Variants in NFX1 observed in about 807,000 individuals in gnomAD.
NFX1 encodes nuclear transcription factor, X-box binding 1.
A neutral mutation model predicts 137.2 loss-of-function variants in NFX1; 69 were observed. The ratio of observed to expected loss-of-function variants is 0.50; its 90% CI spans 0.41 to 0.61. The LOEUF is 0.61. NFX1 is among the 20% of genes least tolerant of loss of function. The pLI is 0.00. For missense variants in NFX1, 1,167 were observed against 1,391.0 expected (o/e 0.84, Z 2.56); for synonymous variants, 495 against 474.1 (o/e 1.04, Z -0.57).
chr9:33,345,165 A>T (rs1490474586), intron 14 of NFX1, among the ~76,000 whole-genome samples: 1 of 105,880 alleles, frequency 9.4e-6, no homozygotes, highest in East Asian at 2.9e-4. Context: ...CCATCTCAAA[A>T]AAAGAAAAGA....
chr9:33,344,126 G>A lies in NFX1; in HGVS notation c.2282G>A (p.Cys761Tyr). 1 of 1,614,102 alleles carries A rather than the reference G, an allele frequency of 6.2e-7. No homozygotes were observed. The highest frequency in any genetic ancestry group is 8.5e-7 in the Non-Finnish European group (1 of 1,179,986). The change falls in exon 14 of 24, where the codon TGT (cysteine) becomes TAT (tyrosine). Residue 761 changes from cysteine to tyrosine, a missense_variant. Cys to Tyr is a radical substitution (Grantham distance 194, BLOSUM62 -2). Coordinates refer to ENST00000379540, the MANE Select transcript of NFX1 (RefSeq NM_002504.6). ...GASVIYPPVPCGTRPPECTQT... is the reference protein window; with the variant it reads ...GASVIYPPVPYGTRPPECTQT... ...TCAGTGATTTACCCTCCAGTTCCCT[G>A]TGGTACTAGGCCCCCTGAATGTACC... is the stretch of plus-strand genomic sequence containing the variant.
Position 33,370,082 on chromosome 9 carries a change from TCTCAC to T in NFX1, c.*105_*109del. On this transcript the variant is annotated 3_prime_UTR_variant, in exon 24 of 24. Transcript: ENST00000379540. ...TCCCCTCTGCCTGGCAGAATCACAG[TCTCAC>T]ATACTGTCTTGTACTGACACATCCA... 2 of 822,650 alleles carry T rather than the reference TCTCAC, an allele frequency of 2.4e-6. No individual in the cohort carries two copies. The highest frequency in any genetic ancestry group is 4.0e-6 in the Non-Finnish European group (2 of 495,464). 51.0% of individuals were successfully genotyped at this position (822,650 alleles called of 1,614,324 possible).
chr9:33,353,683 CT>C lies in NFX1; in HGVS notation c.2730-381del, dbSNP rs111306917. Among the ~76,000 whole-genome samples the C allele has an allele frequency of 7.0e-3, 771 of 110,088 alleles. 3 individuals carry two copies. Among genetic ancestry groups the C allele is most frequent in the Middle Eastern group, 0.017 (3 of 176 alleles). The allele number at this position is 110,088 out of a possible 152,430, so 72.2% of individuals were successfully genotyped here. A position where few individuals can be genotyped will look rare whatever the true frequency, so the allele number is the denominator to read the frequency against. ...CACCAGTTTTCATCTGATAGATTTG[CT>C]TTTTTTTTTTTTTTTTTTTTTGAAA... On this transcript the variant is annotated intron_variant, in intron 17 of 23. Coordinates refer to ENST00000379540, the MANE Select transcript of NFX1 (RefSeq NM_002504.6).
chr9:33,320,587 C>A (rs189440108), intron 9 of NFX1, among the ~76,000 whole-genome samples: 1 of 152,086 alleles, frequency 6.6e-6, no homozygotes, highest in African/African-American at 2.4e-5. Flanking sequence ...AATATAGAAA[C>A]CAGAAAAAGC....
At chr9:33,367,719 A>G in intron 23 of NFX1, 100 bp downstream of exon 23, 1 of 1,109,410 alleles carries the variant, frequency 9.0e-7, no homozygotes, top group South Asian at 1.3e-5. Context: ...TGGCCTCCTC[A>G]GGCCTGGCCT....
At chr9:33,324,789 T>A (rs1822516651) in intron 9 of NFX1, among the ~76,000 whole-genome samples, 1 of 150,894 alleles carries the variant, frequency 6.6e-6, no homozygotes, top group African/African-American at 2.4e-5. Flanking sequence ...ATTAGCCAGG[T>A]GTGGTGGCGG....
chr9:33,324,600 G>A (rs992781745), intron 9 of NFX1, among the ~76,000 whole-genome samples: 18 of 152,022 alleles, frequency 1.2e-4, no homozygotes, highest in South Asian at 6.2e-4. Context: ...ATTTGAGCTG[G>A]CAGAAGAAAC....
At chr9:33,299,738 T>G (rs1352663628) in intron 2 of NFX1, among the ~76,000 whole-genome samples, 1 of 152,168 alleles carries the variant, frequency 6.6e-6, no homozygotes, top group Non-Finnish European at 1.5e-5. Flanking sequence ...TATTCCTTTA[T>G]CCATGAATTT....
intron 7 of NFX1, among the ~76,000 whole-genome samples, chr9:33,315,637 T>C (rs1218460828): frequency 5.3e-5 from 8 of 151,096 alleles, no homozygotes; most frequent in African/African-American, 7.3e-5. Context: ...CGGTAGCTCA[T>C]GCACTCTGGG....
rs769699152 is a variant in NFX1 at position 33,294,717 on chromosome 9, A to G, written c.323A>G (p.Lys108Arg). Reference protein sequence around the residue: ...SHGLQNQPWQKLRNEKHHIRV... With the variant: ...SHGLQNQPWQRLRNEKHHIRV... ...GGCCTTCAGAATCAACCTTGGCAGA[A>G]ATTGAGGAATGAGAAGCACCATATC... is the stretch of plus-strand genomic sequence containing the variant. The change falls in exon 2 of 24, where the codon AAA becomes AGA. Residue 108 changes from lysine (K) to arginine (R), a missense_variant. By Grantham distance (26) the Lys-to-Arg change is conservative. This residue lies in a region of NFX1 where 367 missense variants were observed against 386.7 expected (regional missense o/e 0.95). Coordinates refer to ENST00000379540, the MANE Select transcript of NFX1 (RefSeq NM_002504.6). The G allele has an allele frequency of 6.2e-7, 1 of 1,614,140 alleles. No individual in the cohort carries two copies. The highest frequency in any genetic ancestry group is 8.5e-7 in the Non-Finnish European group (1 of 1,180,030).
chr9:33,300,075 T>TC (rs1294523186), intron 2 of NFX1, among the ~76,000 whole-genome samples: 2 of 142,086 alleles, frequency 1.4e-5, no homozygotes, highest in Admixed American at 1.4e-4. Flanking sequence ...ATTTTTTTTT[T>TC]TTTTTTTTTT....
At chr9:33,313,893 A>G in intron 7 of NFX1, 100 bp downstream of exon 7, 1 of 1,251,708 alleles carries the variant, frequency 8.0e-7, no homozygotes, top group African/African-American at 1.5e-5. Flanking sequence ...ACTTTTAGTC[A>G]CAAAGACCTT....
At chr9:33,343,930 C>A (rs151063667) in intron 13 of NFX1, 139 bp from the exon 14 acceptor site, 19 of 1,067,000 alleles carry the variant, frequency 1.8e-5, no homozygotes, top group Non-Finnish European at 2.3e-5. Context: ...AAATAAAAAC[C>A]TCTTTTGAAA....
At chr9:33,344,219 C>G (rs762791599) in intron 14 of NFX1, 31 bp downstream of exon 14, 43 of 1,612,282 alleles carry the variant, frequency 2.7e-5, no homozygotes, top group Non-Finnish European at 3.6e-5. Flanking sequence ...ACACTTCAGC[C>G]TGCTCACACC....
At chr9:33,352,461 T>G in intron 16 of NFX1, 185 bp from the exon 17 acceptor site, 1 of 690,376 alleles carries the variant, frequency 1.4e-6, no homozygotes, top group Middle Eastern at 2.3e-4. Flanking sequence ...ACGGGGCAAT[T>G]CTTTCCTAGC....
intron 2 of NFX1, 71 bp from the exon 3 acceptor site, chr9:33,301,192 T>C (rs1821550090): frequency 7.4e-7 from 1 of 1,353,242 alleles, no homozygotes; most frequent in African/African-American, 1.5e-5. Context: ...TGCTGATCCT[T>C]GGTTGATTAA....
chr9:33,367,586 C>T lies in NFX1; in HGVS notation c.3257C>T (p.Pro1086Leu). 1 of 1,613,880 alleles carries T rather than the reference C, an allele frequency of 6.2e-7. No homozygotes were observed. The highest frequency in any genetic ancestry group is 8.5e-7 in the Non-Finnish European group (1 of 1,179,836). The change falls in exon 23 of 24, where the codon CCA (proline) becomes CTA (leucine). Residue 1086 changes from proline (P) to leucine (L), a missense_variant. By Grantham distance (98) the Pro-to-Leu change is moderately conservative (BLOSUM62 -3). Around this residue, in one of 3 missense-constraint regions of NFX1, gnomAD observed 312 missense variants for 312.8 expected, o/e 1.00. Coordinates refer to ENST00000379540, the MANE Select transcript of NFX1 (RefSeq NM_002504.6). The part of the protein sequence containing the change: ...LEREMQARPP[P>L]PIPHHRHQSD... ...AGGGAAATGCAGGCACGGCCTCCAC[C>T]ACCGATTCCTCATCACAGACATCAG... is the stretch of plus-strand genomic sequence containing the variant.
chr9:33,336,964 T>G (rs1408527738), intron 11 of NFX1, among the ~76,000 whole-genome samples: 2 of 151,960 alleles, frequency 1.3e-5, no homozygotes, highest in Non-Finnish European at 2.9e-5. Flanking sequence ...TTAGCCGGCA[T>G]GGTGGCAGGC....
chr9:33,349,150 C>T (rs1012851584), intron 15 of NFX1, among the ~76,000 whole-genome samples: 3 of 152,150 alleles, frequency 2.0e-5, no homozygotes, highest in African/African-American at 7.2e-5. Flanking sequence ...CAACAGATAT[C>T]GAGTATGAGT....
Sources: allele counts gnomAD v4.1 joint callset (sites outside exome capture counted in the v4.1 genomes callset), GRCh38; gene constraint gnomAD v4.1.1; regional missense constraint gnomAD v4.1.1; transcripts MANE v1.5; gene names NCBI Gene and HGNC (gene_info 2026-07-23, HGNC 2026-07-21).